The following KIZ variants were observed in gnomAD, a reference collection of about 807,000 sequenced individuals.
KIZ encodes the protein kizuna centrosomal protein, also known as centrosomal protein kizuna.
A neutral mutation model predicts 79.6 loss-of-function variants in KIZ; 68 were observed. The observed-to-expected ratio is 0.85, with a 90% CI of 0.70 to 1.05. The LOEUF (loss-of-function observed/expected upper bound fraction) is 1.05. KIZ is among the 50% of genes least tolerant of loss of function. The pLI is 0.00. For synonymous variants in KIZ, 280 were observed against 281.8 expected (o/e 0.99, Z 0.06); for missense variants, 797 against 800.4 (o/e 1.00, Z 0.05).
intron 6 of KIZ, among the ~76,000 whole-genome samples, chr20:21,186,335 A>C (rs1228892611): frequency 6.6e-6 from 1 of 151,922 alleles, no homozygotes; most frequent in Non-Finnish European, 1.5e-5. Context: ...TATGATGTCC[A>C]TGTGATGGAC....
At chr20:21,162,579 C>A in intron 5 of KIZ, 72 bp downstream of exon 5, 1 of 1,098,748 alleles carries the variant, frequency 9.1e-7, no homozygotes, top group Non-Finnish European at 1.3e-6. Context: ...ACAAAATATA[C>A]TAATTATCTC....
At chr20:21,199,813 A>G (rs964980747) in intron 6 of KIZ, among the ~76,000 whole-genome samples, 1 of 152,116 alleles carries the variant, frequency 6.6e-6, no homozygotes, top group Non-Finnish European at 1.5e-5. Flanking sequence ...CTCTGGTGTC[A>G]TAGAATTATT....
intron 4 of KIZ, among the ~76,000 whole-genome samples, chr20:21,146,198 G>C (rs1215633626): frequency 2.6e-5 from 4 of 152,144 alleles, no homozygotes; most frequent in African/African-American, 9.7e-5. Context: ...GACCGTAGAT[G>C]TTTTCTTCAC....
chr20:21,236,168 A>G (rs1376850108), intron 11 of KIZ, among the ~76,000 whole-genome samples: 2 of 152,216 alleles, frequency 1.3e-5, no homozygotes, highest in Non-Finnish European at 2.9e-5. Flanking sequence ...AGAAAAAGTT[A>G]AGTTGACCTC....
chr20:21,157,797 C>T (rs1368612924), intron 4 of KIZ, among the ~76,000 whole-genome samples: 1 of 152,164 alleles, frequency 6.6e-6, no homozygotes, highest in African/African-American at 2.4e-5. Context: ...TGGCCTTTAG[C>T]GGATCAAAAG....
At chr20:21,217,677 A>T (rs1262899647) in intron 9 of KIZ, among the ~76,000 whole-genome samples, 1 of 152,200 alleles carries the variant, frequency 6.6e-6, no homozygotes, top group Admixed American at 6.5e-5. Context: ...GAAAGCAGAC[A>T]TACTGCCCAA....
chr20:21,207,494 C>T (rs1462349052), intron 7 of KIZ, among the ~76,000 whole-genome samples: 1 of 114,086 alleles, frequency 8.8e-6, no homozygotes, highest in Non-Finnish European at 1.6e-5. Context: ...TCCTTCTTTC[C>T]TCCCCCCACT....
intron 3 of KIZ, among the ~76,000 whole-genome samples, chr20:21,143,636 A>G (rs1390262576): frequency 6.6e-6 from 1 of 152,240 alleles, no homozygotes; most frequent in Non-Finnish European, 1.5e-5. Context: ...CTGTGAAGCA[A>G]TACAGTGACA....
At chr20:21,131,163 G>C (rs914235660) in intron 1 of KIZ, among the ~76,000 whole-genome samples, 11 of 152,334 alleles carry the variant, frequency 7.2e-5, no homozygotes, top group African/African-American at 2.4e-4. Flanking sequence ...GGCTTCATCA[G>C]TTTTATCCCC....
At chr20:21,148,296 A>G (rs1182485987) in intron 4 of KIZ, among the ~76,000 whole-genome samples, 2 of 152,194 alleles carry the variant, frequency 1.3e-5, no homozygotes, top group African/African-American at 4.8e-5. Context: ...AGTAACTTGG[A>G]TGCCAAGAAA....
At chr20:21,183,864 A>G (rs950098775) in intron 6 of KIZ, among the ~76,000 whole-genome samples, 1 of 152,032 alleles carries the variant, frequency 6.6e-6, no homozygotes, top group East Asian at 1.9e-4. Flanking sequence ...CCTCTGATCT[A>G]CTCCGTCTGG....
chr20:21,129,002 G>A (rs2031665759), intron 1 of KIZ, among the ~76,000 whole-genome samples: 2 of 152,182 alleles, frequency 1.3e-5, no homozygotes, highest in South Asian at 4.1e-4. Context: ...CTGAAAACAT[G>A]AACTATGGGT....
intron 7 of KIZ, among the ~76,000 whole-genome samples, chr20:21,206,338 A>G (rs922201872): frequency 6.6e-6 from 1 of 152,182 alleles, no homozygotes; most frequent in Non-Finnish European, 1.5e-5. Flanking sequence ...GAAAATGTCA[A>G]AAATGTGGGC....
intron 1 of KIZ, among the ~76,000 whole-genome samples, chr20:21,127,765 T>G (rs1373546490): frequency 2.6e-5 from 4 of 152,234 alleles, no homozygotes; most frequent in Admixed American, 1.3e-4. Context: ...TGGATTCTAG[T>G]CCACGAACAA....
intron 7 of KIZ, 149 bp from the exon 8 acceptor site, chr20:21,214,386 G>T: frequency 1.7e-6 from 1 of 572,168 alleles, no homozygotes; most frequent in African/African-American, 1.9e-5. Context: ...TTTTTTTCTT[G>T]ACATTTTAAT....
intron 6 of KIZ, among the ~76,000 whole-genome samples, chr20:21,193,446 C>T (rs1416489259): frequency 1.3e-5 from 2 of 152,114 alleles, no homozygotes; most frequent in Non-Finnish European, 2.9e-5. Flanking sequence ...CTTTAAAAAT[C>T]CCTGTACCTT....
chr20:21,227,799 T>C (rs2036706355), intron 9 of KIZ, among the ~76,000 whole-genome samples: 1 of 152,172 alleles, frequency 6.6e-6, no homozygotes, highest in Non-Finnish European at 1.5e-5. Flanking sequence ...AACAGTACTT[T>C]CCCCTCTGTA....
chr20:21,126,110 A>G lies in KIZ; in HGVS notation c.-6A>G. ...GGCTGTGCTGAGCTGGCGCAGCGGC[A>G]GCAGCATGAGCCGGACCCTCGCATC... On this transcript the variant is annotated 5_prime_UTR_variant, in exon 1 of 13. Transcript: ENST00000619189. 2 of 1,510,542 alleles carry G rather than the reference A, an allele frequency of 1.3e-6. No individual in the cohort carries two copies. Among genetic ancestry groups the G allele is most frequent in the South Asian group, 2.5e-5 (2 of 80,924 alleles). 93.6% of individuals were successfully genotyped at this position (1,510,542 alleles called of 1,614,324 possible). A position where few individuals can be genotyped will look rare whatever the true frequency, so the allele number is the denominator to read the frequency against.
At chr20:21,237,338 A>C (rs6082354) in intron 11 of KIZ, among the ~76,000 whole-genome samples, 89,205 of 150,224 alleles carry the variant, frequency 0.59, 27,814 homozygotes, top group South Asian at 0.78. Flanking sequence ...ATTGACCATG[A>C]AATCGAGTCA....
Sources: allele counts gnomAD v4.1 joint callset (sites outside exome capture counted in the v4.1 genomes callset), GRCh38; gene constraint gnomAD v4.1.1; transcripts MANE v1.5; gene names NCBI Gene and HGNC (gene_info 2026-07-23, HGNC 2026-07-21).